The following ZNF571 variants were observed in gnomAD, a reference collection of about 807,000 sequenced individuals.
ZNF571 encodes the protein zinc finger protein 571.
In ZNF571, 4 loss-of-function variants were observed where a neutral mutation model predicts 7.7. The ratio of observed to expected loss-of-function variants is 0.52; its 90% CI spans 0.25 to 1.18. The LOEUF (loss-of-function observed/expected upper bound fraction) is 1.18. ZNF571 is among the 50% of genes most tolerant of loss of function. The pLI is 0.14. For synonymous variants in ZNF571, 251 were observed against 232.4 expected (o/e 1.08, Z -0.73); for missense variants, 704 against 726.9 (o/e 0.97, Z 0.36).
intron 3 of ZNF571, among the ~76,000 whole-genome samples, chr19:37,579,035 C>G (rs2043350486): frequency 6.6e-6 from 1 of 152,210 alleles, no homozygotes; most frequent in Non-Finnish European, 1.5e-5. Flanking sequence ...AGCACAGCCG[C>G]CCTGCCCCCA....
intron 1 of ZNF571, among the ~76,000 whole-genome samples, chr19:37,588,956 T>C (rs1425986886): frequency 6.6e-6 from 1 of 152,102 alleles, no homozygotes; most frequent in Admixed American, 6.5e-5. Context: ...TCCCAGCACT[T>C]TGGGAGGCTG....
In ZNF571 at chr19:37,571,214, G is replaced by A. The variant is rs115024056; in HGVS notation, c.137-4923C>T. On this transcript the variant is annotated intron_variant, in intron 3 of 3. Transcript: ENST00000451802. ...ATTTTGCCTTACAAATTCAAACTAC[G>A]ATTCCAGGCACGGTGGCTCATGCCT... Among the ~76,000 whole-genome samples the A allele has an allele frequency of 4.5e-3, 683 of 152,158 alleles. 6 individuals carry two copies. Among genetic ancestry groups the A allele is most frequent in the African/African-American group, 0.015 (637 of 41,528 alleles).
At position 37,564,502 on chromosome 19, in the gene ZNF571, ATGAGCAGATTCTG is replaced by A; in HGVS notation, c.*83_*95del. ...CCATGTTAATGTAGGCCTTCTAAGA[ATGAGCAGATTCTG>A]AGCAGAAGCAAGATGTTCTACATTC... On this transcript the variant is annotated 3_prime_UTR_variant, in exon 4 of 4. Transcript: ENST00000451802. 8.4e-7 allele frequency: 1 copy of A among 1,192,262 alleles called. No homozygotes were observed. The highest frequency in any genetic ancestry group is 2.5e-5 in the South Asian group (1 of 39,830). The allele number at this position is 1,192,262 out of a possible 1,614,324, so 73.9% of individuals were successfully genotyped here.
chr19:37,583,506 G>A (rs1301787150), intron 3 of ZNF571: 1 of 153,508 alleles, frequency 6.5e-6, no homozygotes, highest in Non-Finnish European at 1.5e-5. Flanking sequence ...GGCCTTTGAA[G>A]AGAGCTTCAG....
At chr19:37,578,922 G>A (rs1049330797) in intron 3 of ZNF571, among the ~76,000 whole-genome samples, 1 of 152,188 alleles carries the variant, frequency 6.6e-6, no homozygotes, top group Non-Finnish European at 1.5e-5. Flanking sequence ...GCCCTAAACA[G>A]TGAAGTTCGG....
intron 3 of ZNF571, among the ~76,000 whole-genome samples, chr19:37,578,901 C>A (rs1422075805): frequency 6.6e-6 from 1 of 152,218 alleles, no homozygotes; most frequent in Admixed American, 6.5e-5. Context: ...TAACACTTGG[C>A]ACCTCTGTAT....
At chr19:37,578,858 T>C (rs1484082780) in intron 3 of ZNF571, among the ~76,000 whole-genome samples, 1 of 152,344 alleles carries the variant, frequency 6.6e-6, no homozygotes, top group South Asian at 2.1e-4. Flanking sequence ...AGGTTCTGTG[T>C]TCCTCTGGGG....
chr19:37,566,878 A>G (rs1482803121), intron 3 of ZNF571, among the ~76,000 whole-genome samples: 2 of 152,152 alleles, frequency 1.3e-5, no homozygotes, highest in African/African-American at 4.8e-5. Context: ...AAAGTCCTTA[A>G]TATGGCTCAC....
At chr19:37,566,838 TTAATGG>T (rs1174695980) in intron 3 of ZNF571, among the ~76,000 whole-genome samples, 1 of 152,210 alleles carries the variant, frequency 6.6e-6, no homozygotes, top group East Asian at 1.9e-4. Context: ...ATCTTCCCTA[TTAATGG>T]TCTGCCATCT....
intron 3 of ZNF571, among the ~76,000 whole-genome samples, chr19:37,574,640 C>T (rs186734502): frequency 6.6e-6 from 1 of 152,080 alleles, no homozygotes; most frequent in Non-Finnish European, 1.5e-5. Context: ...TGGTTTATCA[C>T]CATACCTAAA....
chr19:37,574,690 T>C (rs963209345), intron 3 of ZNF571, among the ~76,000 whole-genome samples: 2 of 152,202 alleles, frequency 1.3e-5, no homozygotes, highest in East Asian at 3.8e-4. Flanking sequence ...TTTTAGTAGA[T>C]ATGACTAGAA....
chr19:37,589,124 C>A (rs1256879557), intron 1 of ZNF571, among the ~76,000 whole-genome samples: 2 of 146,510 alleles, frequency 1.4e-5, no homozygotes, highest in Non-Finnish European at 3.0e-5. Flanking sequence ...CGTTTGAACC[C>A]AGTAGGCGGA....
At chr19:37,571,260 T>TGA (rs1427198393) in intron 3 of ZNF571, among the ~76,000 whole-genome samples, 1 of 152,096 alleles carries the variant, frequency 6.6e-6, no homozygotes, top group African/African-American at 2.4e-5. Flanking sequence ...CATGGGAGGC[T>TGA]GAGGTGGGCA....
rs2042776125 is a variant in ZNF571, at chr19:37,564,498, AAGAATGAGC to A, written c.*91_*99del. 1 of 1,162,488 alleles carries A rather than the reference AAGAATGAGC, an allele frequency of 8.6e-7. No homozygotes were observed. Among genetic ancestry groups the A allele is most frequent in the Non-Finnish European group, 1.1e-6 (1 of 870,522 alleles). 72.0% of individuals were successfully genotyped at this position (1,162,488 alleles called of 1,614,324 possible). A position where few individuals can be genotyped will look rare whatever the true frequency, so the allele number is the denominator to read the frequency against. ...GCATCCATGTTAATGTAGGCCTTCTAAGAATGAGCAGATTCTGAGCAGAAGCAAGATGTT... is the reference window on the plus strand; with the variant it reads ...GCATCCATGTTAATGTAGGCCTTCTAAGATTCTGAGCAGAAGCAAGATGTT... On this transcript the variant is annotated 3_prime_UTR_variant, in exon 4 of 4. Transcript: ENST00000451802.
At chr19:37,566,424 C>T (rs1209883472) in intron 3 of ZNF571, 133 bp from the exon 4 acceptor site, 4 of 1,047,482 alleles carry the variant, frequency 3.8e-6, no homozygotes, top group South Asian at 1.9e-5. Context: ...ATATTTTCTG[C>T]CATTTTTCTT....
chr19:37,585,677 T>C (rs2043646228), intron 2 of ZNF571: 1 of 152,230 alleles, frequency 6.6e-6, no homozygotes, highest in East Asian at 1.9e-4. Context: ...CTTTCACCAA[T>C]GCTCATCTCT....
chr19:37,593,520 G>A (rs1191614705), intron 1 of ZNF571, among the ~76,000 whole-genome samples: 1 of 152,128 alleles, frequency 6.6e-6, no homozygotes, highest in Non-Finnish European at 1.5e-5. Context: ...TGGCTAACAC[G>A]GTGAAACCTC....
In ZNF571 at chr19:37,565,187, G is replaced by C; in HGVS notation, c.1241C>G (p.Thr414Ser). Residue 414 changes from threonine (T) to serine (S), a missense_variant, in exon 4 of 4, where the codon ACC becomes AGC. By Grantham distance (58) the Thr-to-Ser change is moderately conservative. Transcript: ENST00000451802. Reference sequence around the variant, plus strand: ...CTTACATTTGTAGGGCTTCTCTCCGGTATGAATTCTTTGATGTTGAATAAG... The same window carrying C: ...CTTACATTTGTAGGGCTTCTCTCCGCTATGAATTCTTTGATGTTGAATAAG... ...SNLIQHQRIH[T>S]GEKPYKCKEC... 6.2e-7 allele frequency: 1 copy of C among 1,613,100 alleles called. No individual in the cohort carries two copies. Among genetic ancestry groups the C allele is most frequent in the South Asian group, 1.1e-5 (1 of 90,894 alleles).
chr19:37,575,199 A>G (rs1308382623), intron 3 of ZNF571, among the ~76,000 whole-genome samples: 1 of 152,186 alleles, frequency 6.6e-6, no homozygotes. Context: ...AGAAAATAAA[A>G]TCTAACTACT....
Sources: allele counts gnomAD v4.1 joint callset (sites outside exome capture counted in the v4.1 genomes callset), GRCh38; gene constraint gnomAD v4.1.1; transcripts MANE v1.5; gene names NCBI Gene and HGNC (gene_info 2026-07-23, HGNC 2026-07-21).